Variants in C8orf34 observed in about 807,000 individuals in gnomAD.
The protein encoded by C8orf34 is uncharacterized protein C8orf34.
In C8orf34, 65 loss-of-function variants were observed where a neutral mutation model predicts 68.3. That is an observed-to-expected ratio of 0.95 (90% CI 0.78 to 1.17). The LOEUF is 1.17. Ranked by LOEUF, C8orf34 falls within the 50% of genes most tolerant of loss-of-function variation. C8orf34 has a pLI of 0.00. For synonymous variants in C8orf34, 244 were observed against 241.2 expected, an observed-to-expected ratio of 1.01 and a Z score of -0.11; for missense variants, 664 against 655.4, an observed-to-expected ratio of 1.01 and a Z score of -0.14.
intron 7 of C8orf34, among the ~76,000 whole-genome samples, chr8:68,594,777 A>G (rs1401310311): frequency 6.6e-6 from 1 of 152,096 alleles, no homozygotes; most frequent in Non-Finnish European, 1.5e-5. Flanking sequence ...AACTTAACCC[A>G]TGTAACTTTA....
At chr8:68,816,255 A>AAAAT (rs759184485) in intron 13 of C8orf34, among the ~76,000 whole-genome samples, 31 of 151,912 alleles carry the variant, frequency 2.0e-4, no homozygotes, top group Non-Finnish European at 4.1e-4. Flanking sequence ...CTTGACAGGA[A>AAAAT]AAATAATATC....
At chr8:68,784,063 T>C (rs1352796654) in intron 11 of C8orf34, among the ~76,000 whole-genome samples, 1 of 152,184 alleles carries the variant, frequency 6.6e-6, no homozygotes, top group Non-Finnish European at 1.5e-5. Context: ...ATATCTGTAC[T>C]GTGTGCAGCT....
At chr8:68,514,900 G>A (rs957677319) in intron 5 of C8orf34, among the ~76,000 whole-genome samples, 2 of 152,114 alleles carry the variant, frequency 1.3e-5, no homozygotes, top group South Asian at 2.1e-4. Flanking sequence ...AAGGAGGGGA[G>A]TGCAATTTTA....
chr8:68,776,044 T>C (rs1295780948), intron 10 of C8orf34, among the ~76,000 whole-genome samples: 5 of 152,122 alleles, frequency 3.3e-5, no homozygotes, highest in African/African-American at 1.2e-4. Context: ...AAATAGCTAA[T>C]GCATGCAGAG....
chr8:68,426,549 GA>G (rs1435187146), intron 1 of C8orf34, among the ~76,000 whole-genome samples: 1 of 106,086 alleles, frequency 9.4e-6, no homozygotes, highest in Non-Finnish European at 2.0e-5. Flanking sequence ...AAAGAAAACA[GA>G]AAAAAAGCAA....
At chr8:68,654,173 T>C (rs867718542) in intron 8 of C8orf34, among the ~76,000 whole-genome samples, 1 of 152,236 alleles carries the variant, frequency 6.6e-6, no homozygotes, top group Admixed American at 6.5e-5. Context: ...CACCCTTCCA[T>C]GTGAGGATAT....
chr8:68,536,244 G>A lies in C8orf34; in HGVS notation c.1105+3095G>A, dbSNP rs117630250. Among the ~76,000 whole-genome samples the A allele has an allele frequency of 5.1e-3, 768 of 150,776 alleles. 3 individuals carry two copies. Among genetic ancestry groups the A allele is most frequent in the Non-Finnish European group, 7.4e-3 (500 of 67,750 alleles). ...AAAAATACTTATATTAGTCAAGTGT[G>A]GTTGCATGCACCTATAGTCCCAGCT... On this transcript the variant is annotated intron_variant, in intron 7 of 13. Coordinates refer to ENST00000518698, the MANE Select transcript of C8orf34 (RefSeq NM_052958.4).
intron 12 of C8orf34, among the ~76,000 whole-genome samples, chr8:68,795,002 G>C (rs1012714084): frequency 2.0e-5 from 3 of 152,002 alleles, no homozygotes; most frequent in African/African-American, 7.2e-5. Context: ...ATTTTTATTT[G>C]TTCTATTTTT....
At chr8:68,601,458 T>A (rs1817696135) in intron 7 of C8orf34, among the ~76,000 whole-genome samples, 1 of 152,130 alleles carries the variant, frequency 6.6e-6, no homozygotes, top group South Asian at 2.1e-4. Context: ...TTTATTGCTC[T>A]GTCCTCAAGT....
At chr8:68,573,554 G>T (rs1397112915) in intron 7 of C8orf34, among the ~76,000 whole-genome samples, 7 of 152,294 alleles carry the variant, frequency 4.6e-5, no homozygotes, top group Non-Finnish European at 1.0e-4. Flanking sequence ...GCGGTTGTTT[G>T]TTATGATAAT....
chr8:68,396,747 G>T (rs1056715065), intron 1 of C8orf34, among the ~76,000 whole-genome samples: 1 of 131,662 alleles, frequency 7.6e-6, no homozygotes, highest in Admixed American at 7.8e-5. Flanking sequence ...AAAAAGCCTG[G>T]TGCCTCCTCT....
At chr8:68,392,308 A>G (rs1808510454) in intron 1 of C8orf34, among the ~76,000 whole-genome samples, 1 of 151,582 alleles carries the variant, frequency 6.6e-6, no homozygotes, top group Non-Finnish European at 1.5e-5. Context: ...AAAATAGTCT[A>G]CTCTTCTCCT....
intron 4 of C8orf34, among the ~76,000 whole-genome samples, chr8:68,484,528 A>G (rs894920350): frequency 6.6e-6 from 1 of 152,166 alleles, no homozygotes; most frequent in African/African-American, 2.4e-5. Context: ...TTTCTCTTGC[A>G]TATTTTCTGT....
chr8:68,723,536 C>T (rs536092186), intron 10 of C8orf34, among the ~76,000 whole-genome samples: 1 of 152,026 alleles, frequency 6.6e-6, no homozygotes, highest in South Asian at 2.1e-4. Context: ...CCTACTGTTG[C>T]ATTAATTTTA....
At chr8:68,367,920 AAAAAAAAAAAAAAAAAAG>A (rs1563381841) in intron 1 of C8orf34, among the ~76,000 whole-genome samples, 2 of 136,348 alleles carry the variant, frequency 1.5e-5, no homozygotes, top group Non-Finnish European at 3.1e-5. Context: ...AAGAAAAAAA[AAAAAAAAAAAAAAAAAAG>A]AAAAAAGTAC....
At chr8:68,504,048 C>A (rs1013462831) in intron 5 of C8orf34, among the ~76,000 whole-genome samples, 2 of 152,112 alleles carry the variant, frequency 1.3e-5, no homozygotes, top group African/African-American at 4.8e-5. Flanking sequence ...TTCATCATCC[C>A]CAAAAGAAAC....
chr8:68,767,161 A>C (rs1207577617), intron 10 of C8orf34, among the ~76,000 whole-genome samples: 1 of 152,124 alleles, frequency 6.6e-6, no homozygotes, highest in African/African-American at 2.4e-5. Flanking sequence ...ACGCCACTGC[A>C]CTCCAGCCTA....
At chr8:68,511,243 G>A (rs796896470) in intron 5 of C8orf34, among the ~76,000 whole-genome samples, 10 of 152,290 alleles carry the variant, frequency 6.6e-5, no homozygotes, top group South Asian at 2.1e-4. Flanking sequence ...AGAATGGTGC[G>A]CCTCGTGGAT....
intron 1 of C8orf34, among the ~76,000 whole-genome samples, chr8:68,343,947 G>A (rs887499408): frequency 1.3e-4 from 19 of 151,970 alleles, no homozygotes; most frequent in African/African-American, 4.3e-4. Context: ...GGCTGGTCTC[G>A]AACTCCTGGG....
Sources: allele counts gnomAD v4.1 joint callset (sites outside exome capture counted in the v4.1 genomes callset), GRCh38; gene constraint gnomAD v4.1.1; transcripts MANE v1.5; gene names NCBI Gene and HGNC (gene_info 2026-07-23, HGNC 2026-07-21).